Variants in VWC2 observed in about 807,000 individuals in gnomAD.
VWC2 encodes the protein brorin.
Under a neutral mutation model 29.8 loss-of-function variants are expected in VWC2, and 14 were observed. The observed-to-expected ratio is 0.47, with a 90% CI of 0.31 to 0.74. VWC2 has a LOEUF of 0.74. Among genes scored for constraint, VWC2 ranks in the 30% least tolerant of loss-of-function variants. VWC2 has a pLI of 0.05. For synonymous variants in VWC2, 213 were observed against 199.0 expected (o/e 1.07, Z -0.59); for missense variants, 457 against 459.8 (o/e 0.99, Z 0.05).
intron 3 of VWC2, among the ~76,000 whole-genome samples, chr7:49,848,508 G>A (rs1351703930): frequency 6.6e-6 from 1 of 152,214 alleles, no homozygotes. Context: ...GTTGCTCAGT[G>A]AGCCCAGAAA....
chr7:49,895,306 C>T (rs1282022852), intron 3 of VWC2, among the ~76,000 whole-genome samples: 12 of 152,312 alleles, frequency 7.9e-5, no homozygotes, highest in Non-Finnish European at 1.5e-4. Context: ...TAATCACCTC[C>T]TGAAGGCTTC....
At chr7:49,782,130 T>C (rs1788191149) in intron 2 of VWC2, among the ~76,000 whole-genome samples, 1 of 152,232 alleles carries the variant, frequency 6.6e-6, no homozygotes, top group Non-Finnish European at 1.5e-5. Context: ...TGCCTAATTC[T>C]TACAAAAATG....
chr7:49,817,404 C>T (rs1196065708), intron 3 of VWC2, among the ~76,000 whole-genome samples: 1 of 152,246 alleles, frequency 6.6e-6, no homozygotes, highest in African/African-American at 2.4e-5. Flanking sequence ...ACATGGAACA[C>T]ATTCTGGTAG....
At chr7:49,825,791 T>C (rs2128710280) in intron 3 of VWC2, among the ~76,000 whole-genome samples, 1 of 152,334 alleles carries the variant, frequency 6.6e-6, no homozygotes, top group Middle Eastern at 3.4e-3. Context: ...AATGCACTTT[T>C]GTCCTTTAAT....
chr7:49,821,979 T>C (rs572533031), intron 3 of VWC2, among the ~76,000 whole-genome samples: 1 of 152,298 alleles, frequency 6.6e-6, no homozygotes, highest in South Asian at 2.1e-4. Flanking sequence ...TATAAACCCA[T>C]CTTTTTATGA....
chr7:49,831,521 C>T (rs955736779), intron 3 of VWC2, among the ~76,000 whole-genome samples: 10 of 152,204 alleles, frequency 6.6e-5, no homozygotes, highest in East Asian at 3.9e-4. Context: ...CATGATAGGG[C>T]GCACATGGGT....
At chr7:49,905,038 T>C (rs887521955) in intron 3 of VWC2, among the ~76,000 whole-genome samples, 30 of 152,160 alleles carry the variant, frequency 2.0e-4, no homozygotes, top group African/African-American at 7.2e-4. Context: ...CAGGCCATCA[T>C]GTATTAATTC....
chr7:49,916,113 T>G lies in VWC2; in HGVS notation c.*3928T>G, dbSNP rs1234997171. 2.6e-5 allele frequency: 4 copies of G among 152,362 alleles called. No homozygotes were observed. The East Asian group carries it at 5.8e-4, about 22-fold the overall frequency. 9.4% of individuals were successfully genotyped at this position (152,362 alleles called of 1,614,324 possible). A position where few individuals can be genotyped will look rare whatever the true frequency, so the allele number is the denominator to read the frequency against. On this transcript the variant is annotated 3_prime_UTR_variant, in exon 4 of 4. Coordinates refer to ENST00000340652, the MANE Select transcript of VWC2 (RefSeq NM_198570.5). ...CGTAGCACAGATTAAACAGCCTACTTATGTCATATCCTCACTTCACACCAA... is the reference window on the plus strand; with the variant it reads ...CGTAGCACAGATTAAACAGCCTACTGATGTCATATCCTCACTTCACACCAA...
chr7:49,902,796 T>G (rs1275717233), intron 3 of VWC2, among the ~76,000 whole-genome samples: 11 of 152,042 alleles, frequency 7.2e-5, no homozygotes, highest in Non-Finnish European at 1.6e-4. Flanking sequence ...AAATATAAAT[T>G]TTTTCTTTTA....
chr7:49,912,194 C>T lies in VWC2; in HGVS notation c.*9C>T. 6.2e-7 allele frequency: 1 copy of T among 1,613,252 alleles called. No individual in the cohort carries two copies. The highest frequency in any genetic ancestry group is 8.5e-7 in the Non-Finnish European group (1 of 1,179,574). On this transcript the variant is annotated 3_prime_UTR_variant, in exon 4 of 4. Transcript: ENST00000340652. Reference sequence around the variant, plus strand: ...AATGCAGGCAAATGTAGACGCTTCCCAGAACACAAACTCTGACTTTTTCTA... The same window carrying T: ...AATGCAGGCAAATGTAGACGCTTCCTAGAACACAAACTCTGACTTTTTCTA...
chr7:49,869,739 G>A (rs543269666), intron 3 of VWC2, among the ~76,000 whole-genome samples: 66 of 152,242 alleles, frequency 4.3e-4, no homozygotes, highest in Middle Eastern at 3.4e-3. Flanking sequence ...TTAAATCTAT[G>A]TCTACACTAT....
chr7:49,857,392 A>G (rs1355732296), intron 3 of VWC2, among the ~76,000 whole-genome samples: 2 of 152,194 alleles, frequency 1.3e-5, no homozygotes, highest in Non-Finnish European at 2.9e-5. Context: ...GAATATTCCA[A>G]TGTAGGCATA....
intron 2 of VWC2, among the ~76,000 whole-genome samples, chr7:49,777,652 A>G (rs957327453): frequency 6.6e-6 from 1 of 152,204 alleles, no homozygotes; most frequent in African/African-American, 2.4e-5. Flanking sequence ...TGAGCAACTC[A>G]TATGAACCAC....
At chr7:49,911,714 T>C (rs187393155) in intron 3 of VWC2, among the ~76,000 whole-genome samples, 69 of 151,894 alleles carry the variant, frequency 4.5e-4, no homozygotes, top group Middle Eastern at 3.4e-3. Flanking sequence ...CTGGCCAACA[T>C]TGTTAAACCC....
intron 3 of VWC2, among the ~76,000 whole-genome samples, chr7:49,826,248 A>G (rs967073304): frequency 6.6e-6 from 1 of 152,214 alleles, no homozygotes; most frequent in African/African-American, 2.4e-5. Flanking sequence ...CACCATTACC[A>G]GAAGTCTTCC....
chr7:49,895,651 GTAAT>G (rs1792350269), intron 3 of VWC2, among the ~76,000 whole-genome samples: 1 of 152,034 alleles, frequency 6.6e-6, no homozygotes, highest in South Asian at 2.1e-4. Flanking sequence ...TAACATATCA[GTAAT>G]TAATTATCAG....
At chr7:49,860,889 G>A (rs1452080475) in intron 3 of VWC2, among the ~76,000 whole-genome samples, 2 of 152,168 alleles carry the variant, frequency 1.3e-5, no homozygotes, top group Non-Finnish European at 2.9e-5. Flanking sequence ...CGAGCCAAGG[G>A]GAGAGGCCTC....
At chr7:49,788,751 T>G (rs957845069) in intron 2 of VWC2, among the ~76,000 whole-genome samples, 3 of 138,882 alleles carry the variant, frequency 2.2e-5, no homozygotes, top group South Asian at 2.3e-4. Flanking sequence ...TGTGTGGATG[T>G]GGGTGTGGGG....
At chr7:49,795,293 C>T (rs1788563061) in intron 2 of VWC2, among the ~76,000 whole-genome samples, 1 of 152,144 alleles carries the variant, frequency 6.6e-6, no homozygotes, top group Admixed American at 6.5e-5. Flanking sequence ...ATTCATTACA[C>T]ATTTTTAGCT....
Sources: gnomAD v4.1 joint callset for allele counts (sites outside exome capture counted in the v4.1 genomes callset) on GRCh38, gnomAD v4.1.1 for gene constraint, MANE v1.5 for transcripts, NCBI Gene and HGNC (gene_info 2026-07-23, HGNC 2026-07-21) for gene names.